SULF1: variants seen among roughly 807,000 people sequenced by gnomAD.
SULF1 encodes extracellular sulfatase Sulf-1.
A neutral mutation model predicts 110.5 loss-of-function variants in SULF1; 46 were observed. The observed-to-expected ratio is 0.42, with a 90% CI of 0.33 to 0.53. The LOEUF (loss-of-function observed/expected upper bound fraction) is 0.53. Among genes scored for constraint, SULF1 ranks in the 20% least tolerant of loss-of-function variants. SULF1 has a pLI of 0.12. For synonymous variants in SULF1, 371 were observed against 387.1 expected (o/e 0.96, Z 0.49); for missense variants, 941 against 1,094.2 (o/e 0.86, Z 1.98).
chr8:69,475,622 C>T (rs868285233), intron 1 of SULF1, among the ~76,000 whole-genome samples: 1 of 152,060 alleles, frequency 6.6e-6, no homozygotes, highest in South Asian at 2.1e-4. Context: ...GAATTTCATT[C>T]GGCAACACAA....
intron 3 of SULF1, among the ~76,000 whole-genome samples, chr8:69,504,741 C>T (rs1811063967): frequency 1.3e-5 from 2 of 152,124 alleles, no homozygotes; most frequent in Non-Finnish European, 1.5e-5. Flanking sequence ...GAGATCTCTG[C>T]CCCTTTTCAA....
chr8:69,502,966 C>T (rs1810920756), intron 3 of SULF1, among the ~76,000 whole-genome samples: 2 of 152,126 alleles, frequency 1.3e-5, no homozygotes, highest in East Asian at 1.9e-4. Context: ...GGATTATAGG[C>T]GTGAGCCACC....
intron 19 of SULF1, among the ~76,000 whole-genome samples, chr8:69,629,913 A>T (rs1810386744): frequency 6.6e-6 from 1 of 152,124 alleles, no homozygotes; most frequent in Non-Finnish European, 1.5e-5. Flanking sequence ...TTTCCTCCTG[A>T]TGATGTTGTT....
At chr8:69,582,759 C>A (rs1191068251) in intron 6 of SULF1, among the ~76,000 whole-genome samples, 1 of 151,242 alleles carries the variant, frequency 6.6e-6, no homozygotes, top group Non-Finnish European at 1.5e-5. Flanking sequence ...AAGGAAAGCA[C>A]GGGGCTTGAG....
At chr8:69,628,046 A>C in intron 17 of SULF1, 125 bp from the exon 18 acceptor site, 2 of 946,624 alleles carry the variant, frequency 2.1e-6, no homozygotes, top group Non-Finnish European at 3.3e-6. Flanking sequence ...AAAAAGTCAC[A>C]TTCAGCTAAA....
intron 3 of SULF1, among the ~76,000 whole-genome samples, chr8:69,514,756 A>G (rs920664422): frequency 1.3e-5 from 2 of 152,230 alleles, no homozygotes; most frequent in African/African-American, 4.8e-5. Context: ...GGTATTGGGT[A>G]AATGCTCATG....
chr8:69,484,487 G>A (rs1017010651), intron 1 of SULF1, among the ~76,000 whole-genome samples: 1 of 152,172 alleles, frequency 6.6e-6, no homozygotes, highest in Non-Finnish European at 1.5e-5. Context: ...CAACTTTATA[G>A]TAAAGCACAC....
chr8:69,606,871 G>T (rs956201897), intron 13 of SULF1, among the ~76,000 whole-genome samples: 3 of 152,198 alleles, frequency 2.0e-5, no homozygotes, highest in Non-Finnish European at 4.4e-5. Context: ...ATATGAGAAC[G>T]TCAGCAATGG....
intron 3 of SULF1, among the ~76,000 whole-genome samples, chr8:69,513,388 A>G (rs7820571): frequency 0.53 from 79,948 of 152,082 alleles, 21,721 homozygotes; most frequent in South Asian, 0.65. Context: ...TTAGTGAGAA[A>G]TACAGCTACA....
intron 3 of SULF1, among the ~76,000 whole-genome samples, chr8:69,513,732 G>C (rs1290252308): frequency 6.6e-6 from 1 of 152,172 alleles, no homozygotes; most frequent in African/African-American, 2.4e-5. Context: ...CAGCTCAACT[G>C]GACTGAAGGA....
At chr8:69,632,397 G>A (rs904563967) in intron 19 of SULF1, among the ~76,000 whole-genome samples, 1 of 152,074 alleles carries the variant, frequency 6.6e-6, no homozygotes, top group African/African-American at 2.4e-5. Context: ...GTGTGTATAT[G>A]TAATATATAT....
chr8:69,526,365 C>T (rs2150627568), intron 3 of SULF1, among the ~76,000 whole-genome samples: 1 of 152,194 alleles, frequency 6.6e-6, no homozygotes, highest in South Asian at 2.1e-4. Context: ...TCTATTCTTA[C>T]ATTTTCTTTT....
intron 1 of SULF1, chr8:69,473,426 A>G (rs190712834): frequency 4.6e-5 from 7 of 152,342 alleles, no homozygotes; most frequent in Admixed American, 3.3e-4. Flanking sequence ...CTCAAAATAA[A>G]TCTATAAATT....
At chr8:69,638,237 G>A (rs936117699) in intron 19 of SULF1, 5 of 429,724 alleles carry the variant, frequency 1.2e-5, no homozygotes, top group Non-Finnish European at 2.1e-5. Context: ...CAGAGCTAAG[G>A]GGAGGATAAA....
chr8:69,550,730 C>T (rs530368894), intron 3 of SULF1, among the ~76,000 whole-genome samples: 10 of 152,290 alleles, frequency 6.6e-5, no homozygotes, highest in African/African-American at 2.4e-4. Context: ...TTTCCCTTCT[C>T]AACTGGGTAT....
chr8:69,522,439 G>A (rs1812373715), intron 3 of SULF1, among the ~76,000 whole-genome samples: 1 of 152,102 alleles, frequency 6.6e-6, no homozygotes, highest in Non-Finnish European at 1.5e-5. Context: ...GTGTTGGGGA[G>A]ATAGATAAAG....
In SULF1 at chr8:69,614,576, G is replaced by T. The variant is rs976989616; in HGVS notation, c.1378-6459G>T. The stretch of plus-strand genomic sequence containing the variant: ...TAGATTTGATTCCACCAAACTAGCT[G>T]CACACTATTTGTATCCTCATACCAA... On this transcript the variant is annotated intron_variant, in intron 13 of 22. Transcript: ENST00000402687. Among the ~76,000 whole-genome samples the T allele has an allele frequency of 4.6e-5, 7 of 152,218 alleles. No individual in the cohort carries two copies. The East Asian group carries it at 1.3e-3, about 29-fold the overall frequency.
rs80333329 is a variant in SULF1 at position 69,546,176 on chromosome 8, A to G, written c.-133-17363A>G. ...GAAGACAATGAATGATGAGGTAGGC[A>G]ATTAGCAATTTGCATCACATCATTT... is the stretch of plus-strand genomic sequence containing the variant. On this transcript the variant is annotated intron_variant, in intron 3 of 22. Transcript: ENST00000402687. Among the ~76,000 whole-genome samples the G allele has an allele frequency of 9.6e-3, 1,455 of 152,340 alleles. 24 individuals are homozygous for G. The highest frequency in any genetic ancestry group is 0.032 in the African/African-American group (1,328 of 41,564).
chr8:69,484,401 T>C (rs957575347), intron 1 of SULF1, among the ~76,000 whole-genome samples: 2 of 152,206 alleles, frequency 1.3e-5, no homozygotes, highest in African/African-American at 4.8e-5. Context: ...CAGAGTTCTC[T>C]ATTAAAAAGT....
Sources: allele counts gnomAD v4.1 joint callset (sites outside exome capture counted in the v4.1 genomes callset), GRCh38; gene constraint gnomAD v4.1.1; transcripts MANE v1.5; gene names NCBI Gene and HGNC (gene_info 2026-07-23, HGNC 2026-07-21).